DIS3L2: variants seen among roughly 807,000 people sequenced by gnomAD.
The protein encoded by DIS3L2 is DIS3-like exonuclease 2.
In DIS3L2, 34 loss-of-function variants were observed where a neutral mutation model predicts 97.5. The ratio of observed to expected loss-of-function variants is 0.35; its 90% CI spans 0.27 to 0.46. The LOEUF (loss-of-function observed/expected upper bound fraction) is 0.46, where lower values mean the gene tolerates loss of function less well. Ranked by LOEUF, DIS3L2 falls within the 20% of genes least tolerant of loss-of-function variation. The pLI, the probability that DIS3L2 is intolerant of heterozygous loss-of-function variation, is 1.00. For missense variants in DIS3L2, 1,038 were observed against 1,146.0 expected (o/e 0.91, Z 1.36); for synonymous variants, 435 against 445.2 (o/e 0.98, Z 0.29).
intron 1 of DIS3L2, among the ~76,000 whole-genome samples, chr2:231,962,727 A>G (rs981397098): frequency 9.9e-5 from 15 of 151,974 alleles, no homozygotes; most frequent in Non-Finnish European, 1.9e-4. Context: ...GAGCCACCGC[A>G]CCCGGCCGAC....
intron 20 of DIS3L2, 168 bp downstream of exon 20, chr2:232,336,042 C>T: frequency 6.5e-7 from 1 of 1,527,308 alleles, no homozygotes; most frequent in Middle Eastern, 2.2e-4. Context: ...TCCTGTGGGT[C>T]CTGCTTTCTG....
chr2:231,987,511 G>A (rs1693452015), intron 1 of DIS3L2, among the ~76,000 whole-genome samples: 1 of 152,226 alleles, frequency 6.6e-6, no homozygotes, highest in Non-Finnish European at 1.5e-5. Context: ...TTCCCTGTAA[G>A]TGACAAGTTG....
intron 9 of DIS3L2, among the ~76,000 whole-genome samples, chr2:232,209,339 C>T (rs530779467): frequency 6.6e-6 from 1 of 152,218 alleles, no homozygotes; most frequent in Admixed American, 6.5e-5. Context: ...TCACTGCTGC[C>T]AAGGAGGTTT....
intron 6 of DIS3L2, among the ~76,000 whole-genome samples, chr2:232,100,804 GGT>G (rs61079731): frequency 0.1 from 15,115 of 147,676 alleles, 1,568 homozygotes; most frequent in East Asian, 0.47. Flanking sequence ...TTGAAAGAAA[GGT>G]GTGTGTGTGT....
chr2:232,044,424 C>T (rs1430946328), intron 5 of DIS3L2, among the ~76,000 whole-genome samples: 3 of 152,068 alleles, frequency 2.0e-5, no homozygotes, highest in Non-Finnish European at 4.4e-5. Context: ...TAGGAAGAAG[C>T]TGGGGTGACT....
chr2:232,148,034 GTCCCCTCCCC>G (rs1188570862), intron 8 of DIS3L2, among the ~76,000 whole-genome samples: 6 of 83,592 alleles, frequency 7.2e-5, no homozygotes, highest in South Asian at 4.7e-4. Context: ...CTCTTCTCCT[GTCCCCTCCCC>G]TCCCCTCCCC....
intron 10 of DIS3L2, among the ~76,000 whole-genome samples, chr2:232,218,449 C>T (rs1036649352): frequency 1.3e-5 from 2 of 152,110 alleles, no homozygotes; most frequent in Non-Finnish European, 2.9e-5. Context: ...TGCAGTGATC[C>T]ATTCTTGGAG....
intron 9 of DIS3L2, among the ~76,000 whole-genome samples, chr2:232,207,373 C>T (rs1249866362): frequency 6.6e-6 from 1 of 152,174 alleles, no homozygotes. Context: ...CTGGGCACTT[C>T]CTATTACCAT....
rs371338816 is a variant in DIS3L2, at chr2:232,335,323, C to T, written c.2395-450C>T. The T allele has an allele frequency of 3.8e-3, 757 of 199,030 alleles. 3 individuals carry two copies. In the South Asian group the frequency reaches 0.056, roughly 15 times the overall value. The allele number at this position is 199,030 out of a possible 1,614,324, so 12.3% of individuals were successfully genotyped here. A position where few individuals can be genotyped will look rare whatever the true frequency, so the allele number is the denominator to read the frequency against. Reference sequence around the variant, plus strand: ...CGTTGTGTGCAGTAAACGTGGTGTTCATAACCGGGAGCTGGGCAGAAGAGG... The same window carrying T: ...CGTTGTGTGCAGTAAACGTGGTGTTTATAACCGGGAGCTGGGCAGAAGAGG... On this transcript the variant is annotated intron_variant, in intron 19 of 20. Coordinates refer to ENST00000325385, the MANE Select transcript of DIS3L2 (RefSeq NM_152383.5).
intron 13 of DIS3L2, among the ~76,000 whole-genome samples, chr2:232,273,908 T>G (rs1299114014): frequency 2.0e-5 from 3 of 152,208 alleles, no homozygotes; most frequent in Non-Finnish European, 4.4e-5. Flanking sequence ...GATTTGTGTA[T>G]CAAGGTGGCT....
At chr2:232,011,718 C>T (rs180831324) in intron 1 of DIS3L2, among the ~76,000 whole-genome samples, 256 of 151,966 alleles carry the variant, frequency 1.7e-3, no homozygotes, top group African/African-American at 5.7e-3. Context: ...TGCACAGTCT[C>T]GGCTCACTGC....
chr2:232,131,968 A>AAAAAG (rs1559661659), intron 7 of DIS3L2: 1 of 96,444 alleles, frequency 1.0e-5, no homozygotes. Flanking sequence ...AAAAAAAAAA[A>AAAAAG]GAGTCGTCGG....
intron 9 of DIS3L2, among the ~76,000 whole-genome samples, chr2:232,169,810 A>G (rs191989229): frequency 7.2e-5 from 11 of 152,292 alleles, no homozygotes; most frequent in Admixed American, 1.3e-4. Context: ...AGTTCCATCA[A>G]TCTTTAAACC....
intron 1 of DIS3L2, among the ~76,000 whole-genome samples, chr2:231,994,020 G>A (rs1285475089): frequency 1.3e-5 from 2 of 149,942 alleles, no homozygotes; most frequent in African/African-American, 2.4e-5. Flanking sequence ...TTAGATCTGG[G>A]ATCCATTTTG....
intron 8 of DIS3L2, among the ~76,000 whole-genome samples, chr2:232,147,997 T>TTCTCCTCTCC (rs56996184): frequency 1.1e-3 from 104 of 97,562 alleles, no homozygotes; most frequent in Middle Eastern, 5.4e-3. Context: ...CTCCCCTCTT[T>TTCTCCTCTCC]TCTCCTCTCC....
At chr2:232,341,421 G>A (rs1696099685), downstream of DIS3L2, among the ~76,000 whole-genome samples, 1 of 152,240 alleles carries the variant, frequency 6.6e-6, no homozygotes, top group African/African-American at 2.4e-5. Context: ...AGTACATACA[G>A]AATGATCCAC....
At position 232,087,733 on chromosome 2, in the gene DIS3L2, A is replaced by G; in HGVS notation, c.601+12A>G. The G allele has an allele frequency of 5.0e-6, 8 of 1,600,528 alleles. No homozygotes were observed. Among genetic ancestry groups the G allele is most frequent in the Non-Finnish European group, 6.8e-6 (8 of 1,169,092 alleles). On this transcript the variant is annotated intron_variant, in intron 6 of 20. Coordinates refer to ENST00000325385, the MANE Select transcript of DIS3L2 (RefSeq NM_152383.5). The stretch of plus-strand genomic sequence containing the variant: ...TGTTTCTGAGAAAGGTGAGTACTAG[A>G]CTATTGTCTTACTTTTTTTTTAAGT...
At chr2:232,262,824 A>G (rs1360071521) in intron 12 of DIS3L2, among the ~76,000 whole-genome samples, 2 of 151,946 alleles carry the variant, frequency 1.3e-5, no homozygotes, top group African/African-American at 4.8e-5. Context: ...AGCTGTTCCC[A>G]AGCCTGCAGA....
At chr2:232,062,784 C>CT (rs1184478412) in intron 5 of DIS3L2, among the ~76,000 whole-genome samples, 1 of 152,034 alleles carries the variant, frequency 6.6e-6, no homozygotes, top group African/African-American at 2.4e-5. Flanking sequence ...TCCTGCCTTC[C>CT]TATCAGCCTG....
Sources: allele counts gnomAD v4.1 joint callset (sites outside exome capture counted in the v4.1 genomes callset), GRCh38; gene constraint gnomAD v4.1.1; transcripts MANE v1.5; gene names NCBI Gene and HGNC (gene_info 2026-07-23, HGNC 2026-07-21).